Variants in COL15A1 observed in about 807,000 individuals in gnomAD.
COL15A1 encodes collagen type XV alpha 1 chain, also known as collagen alpha-1(XV) chain.
COL15A1 carries 111 observed loss-of-function variants against 165.9 expected under a neutral mutation model. The ratio of observed to expected loss-of-function variants is 0.67; its 90% CI spans 0.57 to 0.78. The LOEUF is 0.78. Among genes scored for constraint, COL15A1 ranks in the 30% least tolerant of loss-of-function variants. The probability of loss-of-function intolerance (pLI) is 0.00; values close to 1 mark genes in which losing one functional copy is unlikely to be tolerated. For missense variants in COL15A1, 1,745 were observed against 1,789.7 expected (o/e 0.98, Z 0.45); for synonymous variants, 659 against 674.8 (o/e 0.98, Z 0.36).
At position 99,059,950 on chromosome 9, in the gene COL15A1, C is replaced by T; in HGVS notation, c.3399C>T (p.Asn1133=). 1 of 1,613,910 alleles carries T rather than the reference C, an allele frequency of 6.2e-7. No homozygotes were observed. The highest frequency in any genetic ancestry group is 8.5e-7 in the Non-Finnish European group (1 of 1,179,902). ...PGQPGLPGSR[N]LVTAFSNMDD... is the part of the protein sequence containing the mutation. ...AGCCAGGGCTTCCCGGATCCAGAAACCTGGTCAGTATTATCATCAGTGTGT... is the reference window on the plus strand; with the variant it reads ...AGCCAGGGCTTCCCGGATCCAGAAATCTGGTCAGTATTATCATCAGTGTGT... Residue 1133 remains asparagine (N), a synonymous_variant, in exon 36 of 42, where the codon AAC becomes AAT. Coordinates refer to ENST00000375001, the MANE Select transcript of COL15A1 (RefSeq NM_001855.5).
At chr9:98,975,452 G>A (rs1358973994) in intron 2 of COL15A1, among the ~76,000 whole-genome samples, 1 of 152,232 alleles carries the variant, frequency 6.6e-6, no homozygotes, top group Non-Finnish European at 1.5e-5. Flanking sequence ...TGGCAGAGAG[G>A]AGGAGGAGAG....
In COL15A1 at chr9:99,052,451, C is replaced by T. The variant is rs1190057152; in HGVS notation, c.2950+18C>T. 4 of 1,582,436 alleles carry T rather than the reference C, an allele frequency of 2.5e-6. No individual in the cohort carries two copies. The East Asian group carries it at 9.0e-5, about 35-fold the overall frequency. ...TTTTCACGGTATACACTCCCTTCTT[C>T]ATCATTTGTTTCTCTGGGACATCTC... On this transcript the variant is annotated intron_variant, in intron 31 of 41. Transcript: ENST00000375001.
At chr9:98,977,253 G>GCCAGTCC (rs1564023258) in intron 2 of COL15A1, among the ~76,000 whole-genome samples, 1 of 152,150 alleles carries the variant, frequency 6.6e-6, no homozygotes, top group East Asian at 1.9e-4. Flanking sequence ...CATGCTCCAC[G>GCCAGTCC]CCAGTCCCCA....
At chr9:99,049,546 T>C in intron 28 of COL15A1, 144 bp from the exon 29 acceptor site, 1 of 914,674 alleles carries the variant, frequency 1.1e-6, no homozygotes, top group Admixed American at 2.4e-5. Context: ...ATAGAAGTGC[T>C]CTGTGGCTCC....
rs1469807298 is a variant in COL15A1, at chr9:99,061,382, A to G, written c.3403-589A>G. 2.0e-5 allele frequency among the ~76,000 whole-genome samples: 3 copies of G among 152,252 alleles called. No individual in the cohort carries two copies. The East Asian group carries it at 5.8e-4, about 29-fold the overall frequency. On this transcript the variant is annotated intron_variant, in intron 36 of 41. Transcript: ENST00000375001. The stretch of plus-strand genomic sequence containing the variant: ...TTTTGTAGCTTCTGTATGTGCTTCT[A>G]GATATGCCAAATGGCTGTCTAATCT...
rs1825782350 is a variant in COL15A1, at chr9:99,059,932, G to C, written c.3381G>C (p.Gly1127=). The change falls in exon 36 of 42, where the codon GGG becomes GGC. Residue 1127 remains glycine, a synonymous_variant. Coordinates refer to ENST00000375001, the MANE Select transcript of COL15A1 (RefSeq NM_001855.5). Reference sequence around the variant, plus strand: ...CCCCTGGCCCTCCAGGACAGCCAGGGCTTCCCGGATCCAGAAACCTGGTCA... The same window carrying C: ...CCCCTGGCCCTCCAGGACAGCCAGGCCTTCCCGGATCCAGAAACCTGGTCA... The part of the protein sequence containing the change: ...PGPPGPPGQP[G]LPGSRNLVTA... The C allele has an allele frequency of 1.9e-6, 3 of 1,613,836 alleles. No homozygotes were observed. Among genetic ancestry groups the C allele is most frequent in the African/African-American group, 1.3e-5 (1 of 74,882 alleles).
At chr9:99,054,370 TA>T (rs1267847187) in intron 31 of COL15A1, among the ~76,000 whole-genome samples, 7 of 152,202 alleles carry the variant, frequency 4.6e-5, no homozygotes, top group African/African-American at 1.7e-4. Flanking sequence ...TGTCTCCCAG[TA>T]GACTGAGCTT....
chr9:98,968,397 C>T (rs75997649), intron 2 of COL15A1, among the ~76,000 whole-genome samples: 2,384 of 152,244 alleles, frequency 0.016, 57 homozygotes, highest in African/African-American at 0.055. Flanking sequence ...GGGTGGCACT[C>T]CTCCTGGGGC....
rs1384875930 is a variant in COL15A1, at chr9:98,944,361, G to A, written c.100+111G>A. On this transcript the variant is annotated intron_variant, in intron 2 of 41. Transcript: ENST00000375001. ...GTGCCTCATTCCTGGACATAAAAGG[G>A]AGTCTTGCCACTCAGTGCGCACTGG... The A allele has an allele frequency of 9.0e-6, 10 of 1,109,182 alleles. No individual in the cohort carries two copies. The Admixed American group carries it at 1.0e-4, about 11-fold the overall frequency. The allele number at this position is 1,109,182 out of a possible 1,614,324, so 68.7% of individuals were successfully genotyped here.
chr9:98,980,888 A>G (rs1456853775), intron 2 of COL15A1, among the ~76,000 whole-genome samples: 2 of 152,198 alleles, frequency 1.3e-5, no homozygotes, highest in Non-Finnish European at 2.9e-5. Context: ...GTTGGCAAGA[A>G]TATGCTGCTG....
intron 7 of COL15A1, among the ~76,000 whole-genome samples, chr9:99,002,866 G>T (rs76753217): frequency 3.9e-5 from 6 of 152,134 alleles, no homozygotes; most frequent in African/African-American, 1.4e-4. Context: ...CCACATTTTT[G>T]CAATAAATAA....
Position 99,056,331 on chromosome 9 carries a change from C to G in COL15A1, c.3264C>G (p.Gly1088=), listed in dbSNP as rs770111808. The change falls in exon 35 of 42, where the codon GGC becomes GGG. Residue 1088 remains glycine (G), a synonymous_variant. Coordinates refer to ENST00000375001, the MANE Select transcript of COL15A1 (RefSeq NM_001855.5). ...PGAPGLPGPP[G]FGRPGDPGPP... ...CTCCTGGTCTGCCTGGGCCACCTGGCTTTGGAAGACCTGGTGATCCTGGGC... is the reference window on the plus strand; with the variant it reads ...CTCCTGGTCTGCCTGGGCCACCTGGGTTTGGAAGACCTGGTGATCCTGGGC... The G allele has an allele frequency of 6.2e-7, 1 of 1,613,836 alleles. No individual in the cohort carries two copies.
At chr9:99,007,691 A>T (rs1838786778) in intron 9 of COL15A1, among the ~76,000 whole-genome samples, 1 of 152,248 alleles carries the variant, frequency 6.6e-6, no homozygotes. Flanking sequence ...CAGGTATGAA[A>T]GTGGCTTATT....
At position 98,967,782 on chromosome 9, in the gene COL15A1, A is replaced by G. The variant is rs947058979; in HGVS notation, c.101-17783A>G. Among the ~76,000 whole-genome samples, 5 of 152,294 alleles carry G rather than the reference A, an allele frequency of 3.3e-5. No homozygotes were observed. The East Asian group carries it at 9.7e-4, about 29-fold the overall frequency. ...GCTGCCTGCTCTTGTCTCCAGGTCCATGACTGCCCATGACTGGCCTCCATT... is the reference window on the plus strand; with the variant it reads ...GCTGCCTGCTCTTGTCTCCAGGTCCGTGACTGCCCATGACTGGCCTCCATT... On this transcript the variant is annotated intron_variant, in intron 2 of 41. Coordinates refer to ENST00000375001, the MANE Select transcript of COL15A1 (RefSeq NM_001855.5).
chr9:98,948,465 G>A (rs1212056590), intron 2 of COL15A1, among the ~76,000 whole-genome samples: 3 of 152,086 alleles, frequency 2.0e-5, no homozygotes, highest in Admixed American at 6.5e-5. Flanking sequence ...AGGCATGGTG[G>A]CGGGCGCCTG....
At chr9:98,966,656 G>T (rs911881978) in intron 2 of COL15A1, among the ~76,000 whole-genome samples, 1 of 152,176 alleles carries the variant, frequency 6.6e-6, no homozygotes, top group Non-Finnish European at 1.5e-5. Flanking sequence ...GTGTTTAAGA[G>T]AGTCACTCTC....
chr9:98,982,144 G>A (rs1416993025), intron 2 of COL15A1, among the ~76,000 whole-genome samples: 3 of 151,710 alleles, frequency 2.0e-5, no homozygotes, highest in African/African-American at 4.8e-5. Flanking sequence ...AGAGAGATAG[G>A]GTATTTCTTT....
chr9:98,959,240 A>C lies in COL15A1; in HGVS notation c.100+14990A>C, dbSNP rs556664771. ...ACCCTGTCTCTACAAAAAAAAAAAA[A>C]AAAAAAACTAAAAACTAAAATGATC... On this transcript the variant is annotated intron_variant, in intron 2 of 41. Transcript: ENST00000375001. Among the ~76,000 whole-genome samples the C allele has an allele frequency of 3.2e-4, 49 of 151,556 alleles. No homozygotes were observed. The South Asian group carries it at 9.6e-3, about 30-fold the overall frequency.
intron 11 of COL15A1, among the ~76,000 whole-genome samples, chr9:99,017,796 C>T (rs1024116054): frequency 2.0e-5 from 3 of 152,142 alleles, no homozygotes; most frequent in Admixed American, 6.5e-5. Flanking sequence ...CAGATAGAGC[C>T]GGTTCTCCTG....
Sources: allele counts gnomAD v4.1 joint callset (sites outside exome capture counted in the v4.1 genomes callset), GRCh38; gene constraint gnomAD v4.1.1; transcripts MANE v1.5; gene names NCBI Gene and HGNC (gene_info 2026-07-23, HGNC 2026-07-21).